AMZ1: variants seen among roughly 807,000 people sequenced by gnomAD.
AMZ1 encodes archaelysin family metallopeptidase 1.
AMZ1 carries 39 observed loss-of-function variants against 29.9 expected under a neutral mutation model. That is an observed-to-expected ratio of 1.30 (90% CI 1.01 to 1.70). AMZ1 has a LOEUF of 1.70. Ranked by LOEUF, AMZ1 falls within the 40% of genes most tolerant of loss-of-function variation. The pLI is 0.00. For synonymous variants in AMZ1, 458 were observed against 304.0 expected (o/e 1.51, Z -5.27); for missense variants, 1,041 against 680.6 (o/e 1.53, Z -5.89).
chr7:2,700,727 T>C lies in AMZ1; in HGVS notation c.276T>C (p.Ala92=). 6.2e-7 allele frequency: 1 copy of C among 1,612,954 alleles called. No homozygotes were observed. ...ASLQHRKPRL[A]RKHIYLQPID... is the part of the protein sequence containing the mutation. Reference sequence around the variant, plus strand: ...TGCAGCACCGGAAGCCCCGCCTGGCTCGGAAGCACATCTACCTACAGCCGA... The same window carrying C: ...TGCAGCACCGGAAGCCCCGCCTGGCCCGGAAGCACATCTACCTACAGCCGA... The change falls in exon 2 of 7, where the codon GCT becomes GCC. Residue 92 remains alanine, a synonymous_variant. Coordinates refer to ENST00000683327, the MANE Select transcript of AMZ1 (RefSeq NM_001384743.1).
chr7:2,751,652 C>G (rs1481768237), intron 4 of AMZ1, among the ~76,000 whole-genome samples: 2 of 152,074 alleles, frequency 1.3e-5, no homozygotes, highest in African/African-American at 4.8e-5. Context: ...AAAGAAAAAA[C>G]AAATCTCCAG....
Position 2,731,136 on chromosome 7 carries a change from G to A in AMZ1, n.550+21320G>A, listed in dbSNP as rs758004070. On this transcript the variant is annotated intron_variant and non_coding_transcript_variant, in intron 4 of 4. Coordinates refer to the AMZ1 transcript ENST00000489665. The surrounding 1 kb of genome is among the most constrained non-coding windows in gnomAD (Gnocchi z 6.0). ...CACACACCCAAGAGTCTGACCGACA[G>A]CCGTGGGGGCTGCTCAACGACGACA... 2.2e-6 allele frequency: 3 copies of A among 1,334,532 alleles called. No homozygotes were observed. The highest frequency in any genetic ancestry group is 3.2e-6 in the Non-Finnish European group (3 of 946,236). The allele number at this position is 1,334,532 out of a possible 1,614,324, so 82.7% of individuals were successfully genotyped here.
In AMZ1 at chr7:2,731,745, G is replaced by T; in HGVS notation, n.550+21929G>T. On this transcript the variant is annotated intron_variant and non_coding_transcript_variant, in intron 4 of 4. Transcript: ENST00000489665. The surrounding 1 kb of genome is among the most constrained non-coding windows in gnomAD (Gnocchi z 6.0). The stretch of plus-strand genomic sequence containing the variant: ...GCAGGATATCTTGCTTACTAGGAAA[G>T]TAATTCTGTAAAATACAGGATGAGG... 6.6e-7 allele frequency: 1 copy of T among 1,508,438 alleles called. No individual in the cohort carries two copies. The highest frequency in any genetic ancestry group is 8.9e-7 in the Non-Finnish European group (1 of 1,118,772). 93.4% of individuals were successfully genotyped at this position (1,508,438 alleles called of 1,614,324 possible). A position where few individuals can be genotyped will look rare whatever the true frequency, so the allele number is the denominator to read the frequency against.
In AMZ1 at chr7:2,695,327, C is replaced by A. The variant is rs56814306; in HGVS notation, c.-218-4907C>A. On this transcript the variant is annotated intron_variant, in intron 1 of 6. Transcript: ENST00000683327. ...ACGCTGGAGTCTGGTGGTGGGCATG[C>A]GGGTCTGGGCACAGGCTCGGTCTGC... is the stretch of plus-strand genomic sequence containing the variant. 3.7e-3 allele frequency among the ~76,000 whole-genome samples: 559 copies of A among 152,056 alleles called. 6 individuals are homozygous for A. Among genetic ancestry groups the A allele is most frequent in the African/African-American group, 0.013 (546 of 41,516 alleles).
intron 4 of AMZ1, among the ~76,000 whole-genome samples, chr7:2,750,999 A>G (rs1385170188): frequency 1.3e-5 from 2 of 152,198 alleles, no homozygotes; most frequent in Non-Finnish European, 2.9e-5. Context: ...TACATCAGAA[A>G]GTATTTTGAA....
chr7:2,705,254 C>A (rs1421881734), intron 3 of AMZ1, among the ~76,000 whole-genome samples: 2 of 152,164 alleles, frequency 1.3e-5, no homozygotes, highest in Non-Finnish European at 2.9e-5. Flanking sequence ...GTCCCCAGGG[C>A]TCCGCATCCC....
rs1012352403 is a variant in AMZ1 at position 2,748,118 on chromosome 7, C to G, written n.551-16594C>G. ...TTTATAGATTCAATGCCATCCCCAT[C>G]AAGCTACCAATGACTTTCTTCACAG... On this transcript the variant is annotated intron_variant and non_coding_transcript_variant, in intron 4 of 4. Coordinates refer to the AMZ1 transcript ENST00000489665. Among the ~76,000 whole-genome samples, 149 of 151,162 alleles carry G rather than the reference C, an allele frequency of 9.9e-4. 1 individual carries two copies. The highest frequency in any genetic ancestry group is 3.6e-3 in the African/African-American group (147 of 41,034).
rs369227918 is a variant in AMZ1 at position 2,709,726 on chromosome 7, C to A, written c.858C>A (p.Asp286Glu). 10 of 1,611,350 alleles carry A rather than the reference C, an allele frequency of 6.2e-6. No homozygotes were observed. In the South Asian group the frequency reaches 8.8e-5, roughly 14 times the overall value. ...RCLMQGALSLDEALRRPLDLC... is the reference protein window; with the variant it reads ...RCLMQGALSLEEALRRPLDLC... ...TCATGCAGGGTGCGCTCAGCCTGGACGAGGCCCTGCGGCGGCCCCTGGACC... is the reference window on the plus strand; with the variant it reads ...TCATGCAGGGTGCGCTCAGCCTGGAAGAGGCCCTGCGGCGGCCCCTGGACC... The change falls in exon 6 of 7, where the codon GAC becomes GAA. Residue 286 changes from aspartate (D) to glutamate (E), a missense_variant. Asp to Glu is a conservative substitution (Grantham distance 45). Transcript: ENST00000683327.
At chr7:2,742,668 C>A (rs2115333444) in intron 4 of AMZ1, among the ~76,000 whole-genome samples, 1 of 152,320 alleles carries the variant, frequency 6.6e-6, no homozygotes, top group African/African-American at 2.4e-5. Context: ...CCGCAAACAC[C>A]TGCAGAGTTT....
In AMZ1 at chr7:2,753,165, T is replaced by A. The variant is rs531179879; in HGVS notation, n.551-11547T>A. Reference sequence around the variant, plus strand: ...CATACAGCATGCGGCTTTTTTTTTTTAAAAAAAGAGACAGGGTCTTACTGT... The same window carrying A: ...CATACAGCATGCGGCTTTTTTTTTTAAAAAAAAGAGACAGGGTCTTACTGT... On this transcript the variant is annotated intron_variant and non_coding_transcript_variant, in intron 4 of 4. Transcript: ENST00000489665. 1.9e-3 allele frequency among the ~76,000 whole-genome samples: 278 copies of A among 147,184 alleles called. 1 individual carries two copies. The highest frequency in any genetic ancestry group is 7.0e-3 in the Middle Eastern group (2 of 284).
At chr7:2,702,561 G>A in intron 2 of AMZ1, 161 bp from the exon 3 acceptor site, 1 of 779,846 alleles carries the variant, frequency 1.3e-6, no homozygotes, top group Non-Finnish European at 2.0e-6. Flanking sequence ...AAAAAGTCAT[G>A]CTTTCCATCC....
intron 4 of AMZ1, among the ~76,000 whole-genome samples, chr7:2,739,606 G>C (rs561658731): frequency 7.9e-5 from 12 of 152,340 alleles, no homozygotes; most frequent in Admixed American, 6.5e-4. Flanking sequence ...CTGTGTGGAA[G>C]TTTTTGCTTG....
chr7:2,720,633 G>A (rs1014685180), downstream of AMZ1, among the ~76,000 whole-genome samples: 10 of 151,932 alleles, frequency 6.6e-5, no homozygotes, highest in East Asian at 1.9e-3. Context: ...TTGAACTCCT[G>A]ACCTCAAGTG....
chr7:2,743,137 C>G (rs1370400901), intron 4 of AMZ1, among the ~76,000 whole-genome samples: 1 of 152,320 alleles, frequency 6.6e-6, no homozygotes, highest in East Asian at 1.9e-4. Flanking sequence ...ACCTCAAGTT[C>G]TGTGCATAAA....
intron 4 of AMZ1, among the ~76,000 whole-genome samples, chr7:2,725,512 C>G (rs1789581579): frequency 6.6e-6 from 1 of 152,234 alleles, no homozygotes; most frequent in African/African-American, 2.4e-5. Flanking sequence ...CCAGAGGGTT[C>G]TGGAGGGAGA....
chr7:2,743,614 G>A (rs1562399964), intron 4 of AMZ1, among the ~76,000 whole-genome samples: 2 of 152,204 alleles, frequency 1.3e-5, no homozygotes, highest in South Asian at 2.1e-4. Flanking sequence ...CGTGAGCAAT[G>A]CAGAAGACGG....
intron 4 of AMZ1, among the ~76,000 whole-genome samples, chr7:2,744,579 C>T (rs1050703995): frequency 1.3e-5 from 2 of 152,146 alleles, no homozygotes; most frequent in Non-Finnish European, 2.9e-5. Context: ...AAAAACAGAG[C>T]AGAAAAACTG....
chr7:2,708,070 A>T (rs1459692244), intron 3 of AMZ1, among the ~76,000 whole-genome samples: 1 of 151,742 alleles, frequency 6.6e-6, no homozygotes. Context: ...TGATCTGCCC[A>T]TCTTGGCCTC....
At chr7:2,698,919 G>T (rs533474024) in intron 1 of AMZ1, among the ~76,000 whole-genome samples, 133 of 152,292 alleles carry the variant, frequency 8.7e-4, no homozygotes, top group Non-Finnish European at 1.6e-3. Flanking sequence ...TTCCGGCTAG[G>T]ACTGGCAGGT....
Sources: allele counts gnomAD v4.1 joint callset (sites outside exome capture counted in the v4.1 genomes callset), GRCh38; gene constraint gnomAD v4.1.1; non-coding constraint Gnocchi (gnomAD v3.1); transcripts MANE v1.5; gene names NCBI Gene and HGNC (gene_info 2026-07-23, HGNC 2026-07-21).